MSH5: variants seen among roughly 807,000 people sequenced by gnomAD.
The protein encoded by MSH5 is mutS homolog 5.
A neutral mutation model predicts 107.7 loss-of-function variants in MSH5; 78 were observed. The ratio of observed to expected loss-of-function variants is 0.72; its 90% CI spans 0.60 to 0.87. The LOEUF (loss-of-function observed/expected upper bound fraction) is 0.87, where lower values mean the gene tolerates loss of function less well. Ranked by LOEUF, MSH5 falls within the 40% of genes least tolerant of loss-of-function variation. The probability of loss-of-function intolerance (pLI) is 0.00; values close to 1 mark genes in which losing one functional copy is unlikely to be tolerated. For missense variants in MSH5, 889 were observed against 1,046.6 expected, an observed-to-expected ratio of 0.85 and a Z score of 2.08; for synonymous variants, 326 against 399.5, an observed-to-expected ratio of 0.82 and a Z score of 2.19.
At chr6:31,757,011 G>A (rs1810500675) in intron 12 of MSH5, 1 of 151,978 alleles carries the variant, frequency 6.6e-6, no homozygotes, top group South Asian at 2.1e-4. Flanking sequence ...GCTAATCCCT[G>A]TAACCTTCGA....
intron 12 of MSH5, among the ~76,000 whole-genome samples, chr6:31,754,914 A>C: frequency 6.6e-6 from 1 of 150,646 alleles, no homozygotes; most frequent in East Asian, 2.0e-4. Flanking sequence ...ACCATGCCCA[A>C]GTTTTTTTTT....
chr6:31,754,607 G>A (rs1218199310), intron 12 of MSH5, among the ~76,000 whole-genome samples: 6 of 152,038 alleles, frequency 3.9e-5, no homozygotes, highest in African/African-American at 1.4e-4. Flanking sequence ...TAACTTCTGG[G>A]CTCAAGCAAT....
At position 31,760,325 on chromosome 6, in the gene MSH5, G is replaced by T; in HGVS notation, c.1812+109G>T. ...AGCTCTTCTCCCATTTTCTGACCCC[G>T]CTCTTCATGAAAGGACCATCACCCA... On this transcript the variant is annotated intron_variant, in intron 19 of 24. Coordinates refer to ENST00000375750, the MANE Select transcript of MSH5 (RefSeq NM_172166.4). The surrounding 1 kb of genome is among the most constrained non-coding windows in gnomAD (Gnocchi z 5.6). 1 of 1,405,666 alleles carries T rather than the reference G, an allele frequency of 7.1e-7. No individual in the cohort carries two copies. Among genetic ancestry groups the T allele is most frequent in the Non-Finnish European group, 9.6e-7 (1 of 1,046,996 alleles). The allele number at this position is 1,405,666 out of a possible 1,614,324, so 87.1% of individuals were successfully genotyped here.
Position 31,741,301 on chromosome 6 carries a change from A to G in MSH5, c.271+15A>G, listed in dbSNP as rs373249017. The G allele has an allele frequency of 2.5e-6, 4 of 1,609,210 alleles. No individual in the cohort carries two copies. The African/African-American group carries it at 5.4e-5, about 22-fold the overall frequency. On this transcript the variant is annotated intron_variant, in intron 3 of 24. Coordinates refer to ENST00000375750, the MANE Select transcript of MSH5 (RefSeq NM_172166.4). ...TCTCCAGAGAGGTGGGGATGGAACC[A>G]TGAATTCCTCTGCTCTCTGGGATTG...
chr6:31,762,291 C>T (rs1250347599), intron 24 of MSH5, 106 bp downstream of exon 24: 1 of 1,404,636 alleles, frequency 7.1e-7, no homozygotes, highest in Non-Finnish European at 1.0e-6. Context: ...CCTTCAGAAA[C>T]CCACCATTTC....
In MSH5 at chr6:31,758,619, G is replaced by C. The variant is rs774188697; in HGVS notation, c.1215G>C (p.Glu405Asp). Residue 405 changes from glutamate (E) to aspartate (D), a missense_variant and splice_region_variant, in exon 14 of 25, where the codon GAG becomes GAC. This residue lies in a region of MSH5 where 518 missense variants were observed against 565.0 expected (regional missense o/e 0.92). Coordinates refer to ENST00000375750, the MANE Select transcript of MSH5 (RefSeq NM_172166.4). The surrounding 1 kb of genome is among the most constrained non-coding windows in gnomAD (Gnocchi z 5.1). ...VLPNIDPEID[E>D]KKRRLMGLPS... ...CCAACATAGATCCTGAAATTGATGAGAGTGAGTGTTGGGTGTGGATGGGCC... is the reference window on the plus strand; with the variant it reads ...CCAACATAGATCCTGAAATTGATGACAGTGAGTGTTGGGTGTGGATGGGCC... 6 of 1,613,950 alleles carry C rather than the reference G, an allele frequency of 3.7e-6. No individual in the cohort carries two copies. Among genetic ancestry groups the C allele is most frequent in the East Asian group, 2.2e-5 (1 of 44,904 alleles).
chr6:31,740,684 G>A lies in MSH5; in HGVS notation c.147+71G>A, dbSNP rs1808780965. On this transcript the variant is annotated intron_variant, in intron 2 of 24. Coordinates refer to ENST00000375750, the MANE Select transcript of MSH5 (RefSeq NM_172166.4). This position sits in a 1 kb window ranked among gnomAD's most constrained non-coding sequence, Gnocchi z 4.4. ...TAGAATAAAAGAGGGTTGGGAGCCG[G>A]GCGCGGTGGCTCACACCTGTAATCT... 3.5e-6 allele frequency: 5 copies of A among 1,415,696 alleles called. No individual in the cohort carries two copies. Among genetic ancestry groups the A allele is most frequent in the Non-Finnish European group, 4.6e-6 (5 of 1,080,970 alleles). 87.7% of individuals were successfully genotyped at this position (1,415,696 alleles called of 1,614,324 possible). A position where few individuals can be genotyped will look rare whatever the true frequency, so the allele number is the denominator to read the frequency against.
Position 31,753,597 on chromosome 6 carries a change from A to G in MSH5, c.982A>G (p.Thr328Ala). Residue 328 changes from threonine to alanine, a missense_variant, in exon 12 of 25, where the codon ACC (threonine) becomes GCC (alanine). Around this residue, in one of 3 missense-constraint regions of MSH5, gnomAD observed 518 missense variants for 565.0 expected, o/e 0.92. Coordinates refer to ENST00000375750, the MANE Select transcript of MSH5 (RefSeq NM_172166.4). Reference protein sequence around the residue: ...LILKRMKLSHTKVSDWQVLYK... With the variant: ...LILKRMKLSHAKVSDWQVLYK... ...TCTGAAACGCATGAAGTTGTCCCAC[A>G]CCAAGGTCAGCGACTGGCAGGTTCT... 2 of 1,614,164 alleles carry G rather than the reference A, an allele frequency of 1.2e-6. No individual in the cohort carries two copies. Among genetic ancestry groups the G allele is most frequent in the Non-Finnish European group, 1.7e-6 (2 of 1,180,028 alleles).
rs1347323946 is a variant in MSH5 at position 31,753,392 on chromosome 6, A to T, written c.904A>T (p.Met302Leu). Residue 302 changes from methionine to leucine, a missense_variant, in exon 11 of 25, where the codon ATG becomes TTG. By Grantham distance (15) the Met-to-Leu change is conservative. Coordinates refer to ENST00000375750, the MANE Select transcript of MSH5 (RefSeq NM_172166.4). ...QFFLLPQNLD[M>L]AQMLHRLLGH... ...TTTTCTGCTGCCCCAGAATCTGGAC[A>T]TGGCTCAGATGCTGCATCGGCTCCT... is the stretch of plus-strand genomic sequence containing the variant. 8.7e-6 allele frequency: 14 copies of T among 1,614,040 alleles called. No homozygotes were observed. Among genetic ancestry groups the T allele is most frequent in the Non-Finnish European group, 1.2e-5 (14 of 1,180,044 alleles).
Position 31,741,275 on chromosome 6 carries a change from T to C in MSH5, c.260T>C (p.Leu87Pro). 6.2e-7 allele frequency: 1 copy of C among 1,611,802 alleles called. No homozygotes were observed. The highest frequency in any genetic ancestry group is 8.5e-7 in the Non-Finnish European group (1 of 1,179,692). ...PDAPDHESLK[L>P]LQRVLDEINP... ...GCCCCAGACCACGAGAGCCTCAAGCTTCTCCAGAGAGGTGGGGATGGAACC... is the reference window on the plus strand; with the variant it reads ...GCCCCAGACCACGAGAGCCTCAAGCCTCTCCAGAGAGGTGGGGATGGAACC... The change falls in exon 3 of 25, where the codon CTT (leucine) becomes CCT (proline). Residue 87 changes from leucine to proline, a missense_variant. Leu to Pro is a moderately conservative substitution (Grantham distance 98). Transcript: ENST00000375750.
At chr6:31,741,924 G>A (rs1238369876) in intron 3 of MSH5, among the ~76,000 whole-genome samples, 1 of 152,038 alleles carries the variant, frequency 6.6e-6, no homozygotes, top group African/African-American at 2.4e-5. Flanking sequence ...GCAAGGGGGA[G>A]GGAGATGCCA....
chr6:31,743,795 G>A (rs28381355), intron 5 of MSH5, 109 bp from the exon 6 acceptor site: 20,537 of 1,485,204 alleles, frequency 0.014, 305 homozygotes, highest in Admixed American at 0.036. Flanking sequence ...CTGCCTGTGT[G>A]AGCTTGGGCA....
In MSH5 at chr6:31,760,560, G is replaced by A; in HGVS notation, c.1813-130G>A. ...GATTCGGGGAGGAGAGACAGAGTCA[G>A]TGTGTCTGTTACCTATTTCTCCTGT... On this transcript the variant is annotated intron_variant, in intron 19 of 24. Transcript: ENST00000375750. The surrounding 1 kb of genome is among the most constrained non-coding windows in gnomAD (Gnocchi z 5.6). The A allele has an allele frequency of 8.2e-7, 1 of 1,221,304 alleles. No individual in the cohort carries two copies. Among genetic ancestry groups the A allele is most frequent in the Non-Finnish European group, 1.2e-6 (1 of 839,272 alleles). The allele number at this position is 1,221,304 out of a possible 1,614,324, so 75.7% of individuals were successfully genotyped here.
In MSH5 at chr6:31,758,850, C is replaced by T; in HGVS notation, c.1301C>T (p.Ser434Leu). ...ELENLDSRIP[S>L]CSVIYIPLIG... Reference sequence around the variant, plus strand: ...GAGAATCTGGACTCCCGTATTCCTTCATGCAGTGTCATCTACATCCCTCTG... The same window carrying T: ...GAGAATCTGGACTCCCGTATTCCTTTATGCAGTGTCATCTACATCCCTCTG... The change falls in exon 15 of 25, where the codon TCA becomes TTA. Residue 434 changes from serine (S) to leucine (L), a missense_variant. Transcript: ENST00000375750. This position sits in a 1 kb window ranked among gnomAD's most constrained non-coding sequence, Gnocchi z 5.1. 6.2e-7 allele frequency: 1 copy of T among 1,614,134 alleles called. No individual in the cohort carries two copies. Among genetic ancestry groups the T allele is most frequent in the Non-Finnish European group, 8.5e-7 (1 of 1,179,968 alleles).
chr6:31,748,293 C>A (rs563855096), intron 10 of MSH5, among the ~76,000 whole-genome samples: 1 of 150,578 alleles, frequency 6.6e-6, no homozygotes, highest in Non-Finnish European at 1.5e-5. Context: ...TGGATTGATG[C>A]TAGAAACAAA....
chr6:31,745,103 C>CA (rs9279403), intron 8 of MSH5, 134 bp from the exon 9 acceptor site: 13,924 of 354,748 alleles, frequency 0.039, 24 homozygotes, highest in South Asian at 0.053. Flanking sequence ...GACTCCATCT[C>CA]AAAAAAAAAA....
rs1206663636 is a variant in MSH5, at chr6:31,759,315, A to C, written c.1408-110A>C. ...TACTCTGAGCTTTACCAGCACTGAG[A>C]CAAAGGAAAGAGAAGTCAGAGTTAG... On this transcript the variant is annotated intron_variant, in intron 16 of 24. Transcript: ENST00000375750. The surrounding 1 kb of genome is among the most constrained non-coding windows in gnomAD (Gnocchi z 4.7). 1 of 1,419,652 alleles carries C rather than the reference A, an allele frequency of 7.0e-7. No individual in the cohort carries two copies. The highest frequency in any genetic ancestry group is 9.9e-7 in the Non-Finnish European group (1 of 1,007,338). 87.9% of individuals were successfully genotyped at this position (1,419,652 alleles called of 1,614,324 possible).
chr6:31,751,197 C>G lies in MSH5; in HGVS notation c.813-2104C>G, dbSNP rs528886988. Among the ~76,000 whole-genome samples the G allele has an allele frequency of 2.6e-5, 4 of 152,064 alleles. No individual in the cohort carries two copies. The East Asian group carries it at 5.8e-4, about 22-fold the overall frequency. The stretch of plus-strand genomic sequence containing the variant: ...GTTTTTAGTAGAGACGGGGTTTCAC[C>G]GCGTTAGCCAGGATGGTCTTGATCT... On this transcript the variant is annotated intron_variant, in intron 10 of 24. Coordinates refer to ENST00000375750, the MANE Select transcript of MSH5 (RefSeq NM_172166.4).
At chr6:31,744,344 G>C (rs773270497) in intron 7 of MSH5, 45 bp downstream of exon 7, 5 of 1,612,782 alleles carry the variant, frequency 3.1e-6, no homozygotes, top group Non-Finnish European at 4.2e-6. Flanking sequence ...GTGGGATTGG[G>C]AGGCCTGAAA....
Sources: allele counts gnomAD v4.1 joint callset (sites outside exome capture counted in the v4.1 genomes callset), GRCh38; gene constraint gnomAD v4.1.1; regional missense constraint gnomAD v4.1.1; non-coding constraint Gnocchi (gnomAD v3.1); transcripts MANE v1.5; gene names NCBI Gene and HGNC (gene_info 2026-07-23, HGNC 2026-07-21).